STK40: variants seen among roughly 807,000 people sequenced by gnomAD.
STK40 encodes the protein serine/threonine kinase 40, also known as serine/threonine-protein kinase 40.
STK40 carries 13 observed loss-of-function variants against 47.9 expected under a neutral mutation model. The ratio of observed to expected loss-of-function variants is 0.27; its 90% CI spans 0.18 to 0.43. The LOEUF is 0.43. Among genes scored for constraint, STK40 ranks in the 20% least tolerant of loss-of-function variants. The pLI is 1.00. For synonymous variants in STK40, 225 were observed against 243.2 expected, an observed-to-expected ratio of 0.93 and a Z score of 0.69; for missense variants, 460 against 595.1, an observed-to-expected ratio of 0.77 and a Z score of 2.36.
In STK40 at chr1:36,354,380, T is replaced by C; in HGVS notation, c.607A>G (p.Met203Val). ...GGATCTTACCTCTTGTTGAGCACCA[T>C]GTTCCCCAGCTTCAGGTCTCTGTGC... ...IVHRDLKLGN[M>V]VLNKRTHRIT... The change falls in exon 6 of 11, where the codon ATG becomes GTG. Residue 203 changes from methionine to valine, a missense_variant. By Grantham distance (21) the Met-to-Val change is conservative. Around this residue, in one of 3 missense-constraint regions of STK40, gnomAD observed 277 missense variants for 358.7 expected, o/e 0.77. Coordinates refer to ENST00000373132, the MANE Select transcript of STK40 (RefSeq NM_001282547.2). The C allele has an allele frequency of 1.9e-6, 3 of 1,614,084 alleles. No individual in the cohort carries two copies. Among genetic ancestry groups the C allele is most frequent in the Middle Eastern group, 1.6e-4 (1 of 6,062 alleles).
chr1:36,343,170 C>T, intron 10 of STK40, 194 bp downstream of exon 10: 1 of 726,948 alleles, frequency 1.4e-6, no homozygotes, highest in Non-Finnish European at 2.5e-6. Flanking sequence ...TCTCCAGCTA[C>T]ACCAAGCCCA....
At chr1:36,358,568 C>A (rs1646825319) in intron 3 of STK40, among the ~76,000 whole-genome samples, 169 bp downstream of exon 3, 1 of 152,150 alleles carries the variant, frequency 6.6e-6, no homozygotes, top group Non-Finnish European at 1.5e-5. Context: ...AGACAAAACT[C>A]TTTAAATCAG....
chr1:36,349,786 CCT>C (rs1171649627), intron 6 of STK40, among the ~76,000 whole-genome samples: 2 of 152,076 alleles, frequency 1.3e-5, no homozygotes, highest in African/African-American at 4.8e-5. Context: ...GTGGGCAGGC[CCT>C]GTCTAAGAGG....
At chr1:36,366,525 G>C (rs2124743609) in intron 1 of STK40, among the ~76,000 whole-genome samples, 1 of 152,230 alleles carries the variant, frequency 6.6e-6, no homozygotes, top group Non-Finnish European at 1.5e-5. Flanking sequence ...CAGCTCCCAG[G>C]GACAGACCCC....
chr1:36,356,806 G>C (rs1382502179), intron 4 of STK40, among the ~76,000 whole-genome samples: 1 of 152,136 alleles, frequency 6.6e-6, no homozygotes, highest in Non-Finnish European at 1.5e-5. Flanking sequence ...CAGTACACTA[G>C]AAACACTTCT....
chr1:36,359,532 A>G (rs1382143455), intron 2 of STK40, among the ~76,000 whole-genome samples: 1 of 152,248 alleles, frequency 6.6e-6, no homozygotes, highest in Admixed American at 6.5e-5. Flanking sequence ...CCCCTGTCCA[A>G]GTGCCAGCTT....
chr1:36,344,136 C>T lies in STK40; in HGVS notation c.868G>A (p.Glu290Lys), dbSNP rs199920883. ...AGGACTCACTCAGGAATGGTATACT[C>T]GGCAGCCTTGATCTTGCGGAAGAGC... is the stretch of plus-strand genomic sequence containing the variant. ...QELFRKIKAAEYTIPEDGRVS... is the reference protein window; with the variant it reads ...QELFRKIKAAKYTIPEDGRVS... The change falls in exon 8 of 11, where the codon GAG becomes AAG. Residue 290 changes from glutamate (E) to lysine (K), a missense_variant. By Grantham distance (56) the Glu-to-Lys change is moderately conservative. This residue lies in a region of STK40 where 181 missense variants were observed against 218.9 expected (regional missense o/e 0.83). Transcript: ENST00000373132. The T allele has an allele frequency of 5.8e-5, 93 of 1,609,856 alleles. No homozygotes were observed. The highest frequency in any genetic ancestry group is 2.7e-5 in the African/African-American group (2 of 74,448).
Position 36,358,686 on chromosome 1 carries a change from G to A in STK40, c.198+51C>T, listed in dbSNP as rs1441156113. On this transcript the variant is annotated intron_variant, in intron 3 of 10. Transcript: ENST00000373132. The stretch of plus-strand genomic sequence containing the variant: ...AAGGTGGAGGAGGGAGGAGTGGGTT[G>A]GCATGACAGGCCCTGTTCCTGAGGC... 3.2e-6 allele frequency: 5 copies of A among 1,582,460 alleles called. No homozygotes were observed. The African/African-American group carries it at 4.0e-5, about 13-fold the overall frequency.
In STK40 at chr1:36,385,449, G is replaced by T. The variant is rs563688613; in HGVS notation, c.-9+274C>A. On this transcript the variant is annotated intron_variant, in intron 1 of 10. Transcript: ENST00000373132. ...CGGTTGCTTCACTCACTGGCTGGGT[G>T]ACTCTAGGCAAAGCTGGCAGTGCCC... is the stretch of plus-strand genomic sequence containing the variant. Among the ~76,000 whole-genome samples, 7 of 152,352 alleles carry T rather than the reference G, an allele frequency of 4.6e-5. No homozygotes were observed. In the South Asian group the frequency reaches 1.5e-3, roughly 32 times the overall value.
intron 1 of STK40, among the ~76,000 whole-genome samples, chr1:36,375,911 A>C (rs1001087790): frequency 2.0e-5 from 3 of 152,014 alleles, no homozygotes; most frequent in African/African-American, 7.3e-5. Context: ...AATCCCAGTG[A>C]CTAGGGAGGC....
chr1:36,378,459 C>T (rs1424908274), intron 1 of STK40, among the ~76,000 whole-genome samples: 1 of 151,602 alleles, frequency 6.6e-6, no homozygotes, highest in Non-Finnish European at 1.5e-5. Flanking sequence ...GGTGGTGGGG[C>T]TTTTTTTCTT....
In STK40 at chr1:36,385,866, C is replaced by A. The variant is rs1027648307; in HGVS notation, c.-152G>T. On this transcript the variant is annotated 5_prime_UTR_variant, in exon 1 of 11. Transcript: ENST00000373132. The stretch of plus-strand genomic sequence containing the variant: ...CTCCCAGCGCAGCCACCCGAGCCGC[C>A]GCCGCCGCCGCCGCCGCCTCCCTCC... 83 of 177,512 alleles carry A rather than the reference C, an allele frequency of 4.7e-4. 1 individual carries two copies. In the South Asian group the frequency reaches 0.01, roughly 22 times the overall value. The allele number at this position is 177,512 out of a possible 1,614,324, so 11.0% of individuals were successfully genotyped here.
intron 6 of STK40, among the ~76,000 whole-genome samples, chr1:36,351,946 T>C (rs1206312212): frequency 1.3e-5 from 2 of 152,178 alleles, no homozygotes; most frequent in African/African-American, 4.8e-5. Context: ...TGCAGCCAGA[T>C]GGATTTAGGT....
rs1218008084 is a variant in STK40 at position 36,340,374 on chromosome 1, G to C, written c.*1381C>G. The stretch of plus-strand genomic sequence containing the variant: ...TCACAGTGAGTCAGCTTTTTAGGGG[G>C]AGGAGAGCGGCTCACACTCTGGGAA... On this transcript the variant is annotated 3_prime_UTR_variant, in exon 11 of 11. Coordinates refer to ENST00000373132, the MANE Select transcript of STK40 (RefSeq NM_001282547.2). 6.5e-6 allele frequency: 1 copy of C among 152,704 alleles called. No homozygotes were observed. Among genetic ancestry groups the C allele is most frequent in the African/African-American group, 2.4e-5 (1 of 41,452 alleles). The allele number at this position is 152,704 out of a possible 1,614,324, so 9.5% of individuals were successfully genotyped here.
At chr1:36,342,779 C>G in intron 10 of STK40, 2 of 207,440 alleles carry the variant, frequency 9.6e-6, no homozygotes, top group Non-Finnish European at 1.9e-5. Flanking sequence ...CTGGTCCTAC[C>G]TGCACACTGC....
intron 1 of STK40, among the ~76,000 whole-genome samples, chr1:36,375,888 G>A (rs1646988129): frequency 6.6e-6 from 1 of 152,110 alleles, no homozygotes; most frequent in Admixed American, 6.5e-5. Flanking sequence ...TGGGCGTGGT[G>A]GTGCTTGCCT....
chr1:36,371,127 C>T (rs1185263327), intron 1 of STK40, among the ~76,000 whole-genome samples: 3 of 151,958 alleles, frequency 2.0e-5, no homozygotes, highest in Non-Finnish European at 2.9e-5. Context: ...GATCTGTCCA[C>T]CTGGGCCTCC....
Position 36,341,967 on chromosome 1 carries a change from C to T in STK40, c.1096G>A (p.Val366Met), listed in dbSNP as rs1646653203. The T allele has an allele frequency of 6.2e-7, 1 of 1,612,722 alleles. No individual in the cohort carries two copies. Among genetic ancestry groups the T allele is most frequent in the African/African-American group, 1.3e-5 (1 of 74,936 alleles). Residue 366 changes from valine (V) to methionine (M), a missense_variant, in exon 11 of 11, where the codon GTG (valine) becomes ATG (methionine). This residue lies in a region of STK40 where 181 missense variants were observed against 218.9 expected (regional missense o/e 0.83). Coordinates refer to ENST00000373132, the MANE Select transcript of STK40 (RefSeq NM_001282547.2). ...SNADSSQEAK[V>M]TEECSQYEFE... ...TCGTACTGGGAGCACTCCTCCGTCA[C>T]CTTCGCCTTTGAGGCGGGGAGGGTG...
At chr1:36,345,991 A>ATATATATATATATATATATTT in intron 7 of STK40, among the ~76,000 whole-genome samples, 2 of 26,464 alleles carry the variant, frequency 7.6e-5, no homozygotes, top group East Asian at 7.3e-4. Context: ...ATATATATAT[A>ATATATATATATATATATATTT]TTTTTTTTTT....
Sources: allele counts gnomAD v4.1 joint callset (sites outside exome capture counted in the v4.1 genomes callset), GRCh38; gene constraint gnomAD v4.1.1; regional missense constraint gnomAD v4.1.1; transcripts MANE v1.5; gene names NCBI Gene and HGNC (gene_info 2026-07-23, HGNC 2026-07-21).